Variants in ADAM10 observed in about 807,000 individuals in gnomAD.
ADAM10 encodes the protein ADAM metallopeptidase domain 10.
ADAM10 carries 17 observed loss-of-function variants against 90.1 expected under a neutral mutation model. The observed-to-expected ratio is 0.19, with a 90% CI of 0.13 to 0.28. The LOEUF is 0.28. Ranked by LOEUF, ADAM10 falls within the 10% of genes least tolerant of loss-of-function variation. The pLI, the probability that ADAM10 is intolerant of heterozygous loss-of-function variation, is 1.00. For missense variants in ADAM10, 610 were observed against 914.3 expected (o/e 0.67, Z 4.29); for synonymous variants, 310 against 298.6 (o/e 1.04, Z -0.40).
chr15:58,655,725 A>AGTGTG (rs1428338178), intron 5 of ADAM10, among the ~76,000 whole-genome samples: 1 of 97,268 alleles, frequency 1.0e-5, no homozygotes. Flanking sequence ...ATATATATAT[A>AGTGTG]TATATATATA....
At chr15:58,722,485 A>G (rs557884201) in intron 1 of ADAM10, among the ~76,000 whole-genome samples, 1 of 151,578 alleles carries the variant, frequency 6.6e-6, no homozygotes, top group South Asian at 2.1e-4. Flanking sequence ...ACAGTGAGCT[A>G]TGATAACGGC....
At chr15:58,653,602 T>C (rs1325992187) in intron 5 of ADAM10, among the ~76,000 whole-genome samples, 1 of 152,244 alleles carries the variant, frequency 6.6e-6, no homozygotes, top group Non-Finnish European at 1.5e-5. Flanking sequence ...AATGAATTGC[T>C]AAATTCAGTT....
intron 5 of ADAM10, among the ~76,000 whole-genome samples, chr15:58,647,795 C>T (rs1388546187): frequency 6.6e-6 from 1 of 152,134 alleles, no homozygotes; most frequent in Non-Finnish European, 1.5e-5. Flanking sequence ...TCAAGTAATC[C>T]TCCTGTCTCA....
chr15:58,669,568 T>C (rs1430816968), intron 4 of ADAM10, among the ~76,000 whole-genome samples: 2 of 152,284 alleles, frequency 1.3e-5, no homozygotes, highest in Non-Finnish European at 2.9e-5. Flanking sequence ...TGTTTCCAAA[T>C]GCCCCCTCTC....
chr15:58,606,286 C>T (rs1433912804), intron 14 of ADAM10, among the ~76,000 whole-genome samples: 3 of 152,296 alleles, frequency 2.0e-5, no homozygotes, highest in African/African-American at 7.2e-5. Flanking sequence ...CTCCCACCAC[C>T]ACTAGCAGCA....
At chr15:58,743,005 C>T (rs1452835813) in intron 1 of ADAM10, among the ~76,000 whole-genome samples, 1 of 152,100 alleles carries the variant, frequency 6.6e-6, no homozygotes, top group Admixed American at 6.5e-5. Flanking sequence ...CTGCAGTGAG[C>T]TGACATCACA....
chr15:58,653,297 A>G (rs1896733149), intron 5 of ADAM10, among the ~76,000 whole-genome samples: 1 of 152,120 alleles, frequency 6.6e-6, no homozygotes, highest in Admixed American at 6.5e-5. Flanking sequence ...TGTGTTCCCA[A>G]TCTTAGAAAA....
rs1190419572 is a variant in ADAM10, at chr15:58,593,178, T to A, written c.*4369A>T. On this transcript the variant is annotated 3_prime_UTR_variant, in exon 16 of 16. Transcript: ENST00000260408. ...TTTTTTTTTTTTTTTTTTTTTTTTT[T>A]TTTTTTTTTTTTTTTTTTTGAGACA... 8 of 62,812 alleles carry A rather than the reference T, an allele frequency of 1.3e-4. No individual in the cohort carries two copies. The highest frequency in any genetic ancestry group is 1.1e-3 in the South Asian group (2 of 1,796). The allele number at this position is 62,812 out of a possible 1,614,324, so 3.9% of individuals were successfully genotyped here.
intron 2 of ADAM10, among the ~76,000 whole-genome samples, chr15:58,705,005 A>C (rs1485535875): frequency 3.9e-5 from 6 of 152,184 alleles, no homozygotes; most frequent in African/African-American, 1.2e-4. Context: ...GTCTTTGAAA[A>C]CTGAACAAAT....
chr15:58,741,679 C>G (rs1393542038), intron 1 of ADAM10, among the ~76,000 whole-genome samples: 1 of 152,206 alleles, frequency 6.6e-6, no homozygotes, highest in Non-Finnish European at 1.5e-5. Context: ...GTTACTTTCA[C>G]GTTAAACATT....
chr15:58,647,275 T>TTTTTTTTTTTTTTTTTTTTG (rs1896576150), intron 5 of ADAM10, among the ~76,000 whole-genome samples: 1 of 121,328 alleles, frequency 8.2e-6, no homozygotes, highest in Non-Finnish European at 1.7e-5. Context: ...TTTTTTTTTT[T>TTTTTTTTTTTTTTTTTTTTG]TTTGAGACAG....
intron 2 of ADAM10, among the ~76,000 whole-genome samples, chr15:58,691,809 A>G (rs1356989967): frequency 6.7e-6 from 1 of 150,330 alleles, no homozygotes; most frequent in East Asian, 1.9e-4. Flanking sequence ...CAGCCTCCCA[A>G]GTAGCTGGGA....
Position 58,597,558 on chromosome 15 carries a change from T to C in ADAM10, c.2236A>G (p.Met746Val), listed in dbSNP as rs1335530801. 2.4e-5 allele frequency: 38 copies of C among 1,614,036 alleles called. No individual in the cohort carries two copies. Among genetic ancestry groups the C allele is most frequent in the Non-Finnish European group, 3.1e-5 (36 of 1,180,016 alleles). ...GGCAAAAGCTGCAGTTAGCGTCTCA[T>C]GTGTCCCATTTGATAACTCTCTCGG... is the stretch of plus-strand genomic sequence containing the variant. Reference protein sequence around the residue: ...RPRESYQMGHMRR With the variant: ...RPRESYQMGHVRR Residue 746 changes from methionine to valine, a missense_variant, in exon 16 of 16, where the codon ATG (methionine) becomes GTG (valine). Met to Val is a conservative substitution (Grantham distance 21). Coordinates refer to ENST00000260408, the MANE Select transcript of ADAM10 (RefSeq NM_001110.4).
At chr15:58,643,044 CA>C (rs1896456945) in intron 7 of ADAM10, among the ~76,000 whole-genome samples, 2 of 151,948 alleles carry the variant, frequency 1.3e-5, no homozygotes, top group African/African-American at 4.8e-5. Flanking sequence ...AACCCTGTGG[CA>C]AATACTTTTG....
At chr15:58,715,101 GTTAA>G (rs1190017370) in intron 2 of ADAM10, among the ~76,000 whole-genome samples, 14 of 152,250 alleles carry the variant, frequency 9.2e-5, no homozygotes, top group African/African-American at 3.4e-4. Flanking sequence ...AGTTTGTATA[GTTAA>G]TTAAGCAGAT....
intron 2 of ADAM10, among the ~76,000 whole-genome samples, chr15:58,696,986 T>A (rs571351460): frequency 1.3e-5 from 2 of 152,114 alleles, no homozygotes; most frequent in Non-Finnish European, 2.9e-5. Flanking sequence ...CATCCCCACC[T>A]ACAGCCACTG....
At chr15:58,651,858 CCCA>C (rs1225453103) in intron 5 of ADAM10, among the ~76,000 whole-genome samples, 1 of 152,126 alleles carries the variant, frequency 6.6e-6, no homozygotes, top group Non-Finnish European at 1.5e-5. Context: ...AATTTGCATT[CCCA>C]CCAACAGTGT....
intron 14 of ADAM10, among the ~76,000 whole-genome samples, chr15:58,601,330 T>C (rs1187400383): frequency 6.6e-6 from 1 of 151,760 alleles, no homozygotes; most frequent in Non-Finnish European, 1.5e-5. Flanking sequence ...GGAATGATGG[T>C]GGGTGCCTGT....
At position 58,595,720 on chromosome 15, in the gene ADAM10, A is replaced by G. The variant is rs745349842; in HGVS notation, c.*1827T>C. On this transcript the variant is annotated 3_prime_UTR_variant, in exon 16 of 16. Coordinates refer to ENST00000260408, the MANE Select transcript of ADAM10 (RefSeq NM_001110.4). ...CCACAGGATAACATTACAAGCAAAA[A>G]ATTTACATGTTCCAAAGTCTACCAC... 1.3e-5 allele frequency: 2 copies of G among 152,142 alleles called. No individual in the cohort carries two copies. Among genetic ancestry groups the G allele is most frequent in the African/African-American group, 2.4e-5 (1 of 41,432 alleles). 9.4% of individuals were successfully genotyped at this position (152,142 alleles called of 1,614,324 possible).
Sources: allele counts gnomAD v4.1 joint callset (sites outside exome capture counted in the v4.1 genomes callset), GRCh38; gene constraint gnomAD v4.1.1; transcripts MANE v1.5; gene names NCBI Gene and HGNC (gene_info 2026-07-23, HGNC 2026-07-21).